PTGS1: variants seen among roughly 807,000 people sequenced by gnomAD.
PTGS1 encodes prostaglandin-endoperoxide synthase 1, also known as prostaglandin G/H synthase 1.
PTGS1 carries 40 observed loss-of-function variants against 63.0 expected under a neutral mutation model. The observed-to-expected ratio is 0.63, with a 90% CI of 0.49 to 0.83. The LOEUF (loss-of-function observed/expected upper bound fraction) is 0.83. Among genes scored for constraint, PTGS1 ranks in the 40% least tolerant of loss-of-function variants. PTGS1 has a pLI of 0.00. For missense variants in PTGS1, 709 were observed against 786.5 expected (o/e 0.90, Z 1.18); for synonymous variants, 298 against 301.9 (o/e 0.99, Z 0.13).
At chr9:122,385,783 T>G (rs1837835284) in intron 8 of PTGS1, among the ~76,000 whole-genome samples, 3 of 152,028 alleles carry the variant, frequency 2.0e-5, no homozygotes, top group Middle Eastern at 3.4e-3. Flanking sequence ...TTTTGTAGTC[T>G]CTCCACCTTC....
At position 122,378,054 on chromosome 9, in the gene PTGS1, GCC is replaced by G. The variant is rs1475949170; in HGVS notation, c.211+41_211+42del. 4.5e-6 allele frequency: 7 copies of G among 1,564,684 alleles called. 1 individual carries two copies. Among genetic ancestry groups the G allele is most frequent in the Non-Finnish European group, 6.1e-6 (7 of 1,141,472 alleles). Reference sequence around the variant, plus strand: ...TCAGCCCTCACTCCTTCCGTCTTGAGCCCTTCTGCTCCCCGGGCCCTTTCTCC... The same window carrying G: ...TCAGCCCTCACTCCTTCCGTCTTGAGCTTCTGCTCCCCGGGCCCTTTCTCC... On this transcript the variant is annotated intron_variant, in intron 3 of 10. Coordinates refer to ENST00000362012, the MANE Select transcript of PTGS1 (RefSeq NM_000962.4).
rs745551484 is a variant in PTGS1 at position 122,378,031 on chromosome 9, A to G, written c.211+16A>G. The G allele has an allele frequency of 3.7e-6, 6 of 1,602,062 alleles. No individual in the cohort carries two copies. The highest frequency in any genetic ancestry group is 4.5e-5 in the East Asian group (2 of 44,826). On this transcript the variant is annotated intron_variant, in intron 3 of 10. Coordinates refer to ENST00000362012, the MANE Select transcript of PTGS1 (RefSeq NM_000962.4). ...TGCACCATCCGTGAGCTGGGCCTTC[A>G]GCCCTCACTCCTTCCGTCTTGAGCC...
chr9:122,370,837 A>G, upstream of PTGS1: 1 of 622,474 alleles, frequency 1.6e-6, no homozygotes, highest in South Asian at 2.0e-5. Flanking sequence ...ACCAGGCATC[A>G]GAAACGTAAG....
intron 8 of PTGS1, among the ~76,000 whole-genome samples, chr9:122,384,270 T>G (rs1473186552): frequency 6.6e-6 from 1 of 152,174 alleles, no homozygotes; most frequent in Non-Finnish European, 1.5e-5. Context: ...GGGGCGAGTC[T>G]GCAACCTAAA....
Position 122,395,344 on chromosome 9 carries a change from G to T in PTGS1, c.*2800G>T, listed in dbSNP as rs1256890779. ...CATTTGTTCCTGGAGTTTTGATTTG[G>T]TGGATGTGATGGTTGGTTTTATTTG... On this transcript the variant is annotated 3_prime_UTR_variant, in exon 11 of 11. Transcript: ENST00000362012. 6.6e-6 allele frequency: 1 copy of T among 152,150 alleles called. No individual in the cohort carries two copies. The highest frequency in any genetic ancestry group is 1.5e-5 in the Non-Finnish European group (1 of 68,024). The allele number at this position is 152,150 out of a possible 1,614,324, so 9.4% of individuals were successfully genotyped here.
At chr9:122,372,056 T>C (rs1207040525) in intron 2 of PTGS1, among the ~76,000 whole-genome samples, 1 of 152,080 alleles carries the variant, frequency 6.6e-6, no homozygotes, top group Admixed American at 6.5e-5. Context: ...GGAATTCAGC[T>C]CCTCGCTCAG....
In PTGS1 at chr9:122,395,487, G is replaced by T. The variant is rs1373284871; in HGVS notation, c.*2943G>T. On this transcript the variant is annotated 3_prime_UTR_variant, in exon 11 of 11. Transcript: ENST00000362012. Reference sequence around the variant, plus strand: ...CAATCAGTTGACTTTAAGTGAAAGAGATTACTTAAATAATTTGGGTGAGCT... The same window carrying T: ...CAATCAGTTGACTTTAAGTGAAAGATATTACTTAAATAATTTGGGTGAGCT... 1 of 152,124 alleles carries T rather than the reference G, an allele frequency of 6.6e-6. No homozygotes were observed. The highest frequency in any genetic ancestry group is 6.5e-5 in the Admixed American group (1 of 15,268). 9.4% of individuals were successfully genotyped at this position (152,124 alleles called of 1,614,324 possible).
chr9:122,390,040 G>A (rs1014210736), intron 9 of PTGS1, among the ~76,000 whole-genome samples, 158 bp from the exon 10 acceptor site: 5 of 152,022 alleles, frequency 3.3e-5, no homozygotes, highest in African/African-American at 9.7e-5. Flanking sequence ...CAGCAGGCCC[G>A]GGGCAGGTCT....
chr9:122,374,838 T>A (rs1837023873), intron 2 of PTGS1, among the ~76,000 whole-genome samples: 1 of 152,140 alleles, frequency 6.6e-6, no homozygotes, highest in Non-Finnish European at 1.5e-5. Flanking sequence ...CAGTCCTGGG[T>A]ACCTCCAGGA....
chr9:122,391,251 G>T (rs942072712), intron 10 of PTGS1, among the ~76,000 whole-genome samples: 1 of 144,580 alleles, frequency 6.9e-6, no homozygotes, highest in East Asian at 2.0e-4. Flanking sequence ...ATATATATAT[G>T]AATAGAGTAT....
chr9:122,386,951 T>C lies in PTGS1; in HGVS notation c.1296+219T>C, dbSNP rs533174604. Among the ~76,000 whole-genome samples, 5 of 152,246 alleles carry C rather than the reference T, an allele frequency of 3.3e-5. No homozygotes were observed. The South Asian group carries it at 8.3e-4, about 25-fold the overall frequency. Reference sequence around the variant, plus strand: ...TGTAGTGGGAACAAGACTTTTGTGGTTCTTGGCTCATCTTTTAGTGCTCCC... The same window carrying C: ...TGTAGTGGGAACAAGACTTTTGTGGCTCTTGGCTCATCTTTTAGTGCTCCC... On this transcript the variant is annotated intron_variant, in intron 9 of 10. Transcript: ENST00000362012.
Position 122,378,482 on chromosome 9 carries a change from C to T in PTGS1, c.261C>T (p.Phe87=), listed in dbSNP as rs200293390. The T allele has an allele frequency of 2.5e-6, 4 of 1,614,238 alleles. No homozygotes were observed. Among genetic ancestry groups the T allele is most frequent in the Non-Finnish European group, 3.4e-6 (4 of 1,180,044 alleles). The change falls in exon 4 of 11, where the codon TTC becomes TTT. Residue 87 remains phenylalanine (F), a synonymous_variant. Coordinates refer to ENST00000362012, the MANE Select transcript of PTGS1 (RefSeq NM_000962.4). ...LRNSLRPSPS[F]THFLLTHGRW... Reference sequence around the variant, plus strand: ...ATTCACTGCGGCCCAGCCCCTCTTTCACCCACTTCCTGCTCACTCACGGGC... The same window carrying T: ...ATTCACTGCGGCCCAGCCCCTCTTTTACCCACTTCCTGCTCACTCACGGGC...
rs761165659 is a variant in PTGS1, at chr9:122,386,601, C to G, written c.1165C>G (p.Leu389Val). Reference sequence around the variant, plus strand: ...CAACCATCTCTACCACTGGCACCCCCTCATGCCTGACTCCTTCAAGGTGGG... The same window carrying G: ...CAACCATCTCTACCACTGGCACCCCGTCATGCCTGACTCCTTCAAGGTGGG... The part of the protein sequence containing the change: ...EFNHLYHWHP[L>V]MPDSFKVGSQ... The change falls in exon 9 of 11, where the codon CTC becomes GTC. Residue 389 changes from leucine (L) to valine (V), a missense_variant. By Grantham distance (32) the Leu-to-Val change is conservative. Coordinates refer to ENST00000362012, the MANE Select transcript of PTGS1 (RefSeq NM_000962.4). 6.2e-7 allele frequency: 1 copy of G among 1,614,240 alleles called. No individual in the cohort carries two copies. Among genetic ancestry groups the G allele is most frequent in the East Asian group, 2.2e-5 (1 of 44,880 alleles).
intron 5 of PTGS1, among the ~76,000 whole-genome samples, chr9:122,380,487 A>AAATC (rs930355823): frequency 1.1e-4 from 17 of 151,464 alleles, no homozygotes; most frequent in Admixed American, 1.3e-4. Context: ...ATAAATAAAT[A>AAATC]AATAAATAAA....
At chr9:122,374,983 G>T (rs1837034562) in intron 2 of PTGS1, among the ~76,000 whole-genome samples, 1 of 152,190 alleles carries the variant, frequency 6.6e-6, no homozygotes, top group Non-Finnish European at 1.5e-5. Flanking sequence ...CTTAGGGAGT[G>T]CTGGGGAGAT....
intron 7 of PTGS1, among the ~76,000 whole-genome samples, chr9:122,383,038 G>A (rs1451525975): frequency 2.6e-5 from 4 of 152,184 alleles, no homozygotes; most frequent in African/African-American, 9.7e-5. Flanking sequence ...AGCGTTTGCT[G>A]AGCCTAGTGA....
intron 3 of PTGS1, 61 bp downstream of exon 3, chr9:122,378,076 T>G: frequency 4.2e-6 from 6 of 1,441,222 alleles, no homozygotes; most frequent in African/African-American, 1.4e-5. Flanking sequence ...CCCGGGCCCT[T>G]TCTCCTAGAC....
chr9:122,377,641 C>T (rs10306138), intron 2 of PTGS1, among the ~76,000 whole-genome samples: 2,241 of 152,186 alleles, frequency 0.015, 50 homozygotes, highest in African/African-American at 0.047. Context: ...AGGGAGGGGG[C>T]GCTTCCCCTG....
At position 122,392,593 on chromosome 9, in the gene PTGS1, C is replaced by T; in HGVS notation, c.*49C>T. On this transcript the variant is annotated 3_prime_UTR_variant, in exon 11 of 11. Transcript: ENST00000362012. ...AGGGGAGAGCTTTGTGCTTGTCATT[C>T]CAGAGTGCTGAGGCCAGGGCTGATG... The T allele has an allele frequency of 6.5e-7, 1 of 1,546,530 alleles. No individual in the cohort carries two copies. Among genetic ancestry groups the T allele is most frequent in the Non-Finnish European group, 8.8e-7 (1 of 1,132,214 alleles).
Sources: gnomAD v4.1 joint callset for allele counts (sites outside exome capture counted in the v4.1 genomes callset) on GRCh38, gnomAD v4.1.1 for gene constraint, MANE v1.5 for transcripts, NCBI Gene and HGNC (gene_info 2026-07-23, HGNC 2026-07-21) for gene names.